CXCL14: variants seen among roughly 807,000 people sequenced by gnomAD.
CXCL14 encodes C-X-C motif chemokine ligand 14.
Under a neutral mutation model 16.1 loss-of-function variants are expected in CXCL14, and 9 were observed. That is an observed-to-expected ratio of 0.56 (90% CI 0.34 to 0.97). The LOEUF is 0.97. Ranked by LOEUF, CXCL14 falls within the 50% of genes least tolerant of loss-of-function variation. The pLI is 0.02. For missense variants in CXCL14, 111 were observed against 132.5 expected (o/e 0.84, Z 0.80); for synonymous variants, 55 against 52.8 (o/e 1.04, Z -0.18).
chr5:135,575,779 A>G (rs542917874), intron 2 of CXCL14, among the ~76,000 whole-genome samples: 115 of 152,152 alleles, frequency 7.6e-4, no homozygotes, highest in Non-Finnish European at 1.5e-3. Context: ...GTGCAAGGTG[A>G]GAGGTGAGGA....
chr5:135,571,901 A>AGGAC (rs2126864044), intron 3 of CXCL14, 33 bp from the exon 4 acceptor site: 1 of 1,612,078 alleles, frequency 6.2e-7, no homozygotes, highest in East Asian at 2.2e-5. Flanking sequence ...TAAGTGGCTC[A>AGGAC]GGACATGAGG....
At position 135,571,881 on chromosome 5, in the gene CXCL14, AAC is replaced by A. The variant is rs771950403; in HGVS notation, c.285-15_285-14del. 4.3e-5 allele frequency: 69 copies of A among 1,611,832 alleles called. No individual in the cohort carries two copies. The highest frequency in any genetic ancestry group is 5.5e-5 in the Non-Finnish European group (65 of 1,179,444). ...TTCTTCGTAGACCCTGGGGAGAAAAAACACATGTGTAAGTGGCTCAGGACATG... is the reference window on the plus strand; with the variant it reads ...TTCTTCGTAGACCCTGGGGAGAAAAAACATGTGTAAGTGGCTCAGGACATG... On this transcript the variant is annotated splice_polypyrimidine_tract_variant and intron_variant, in intron 3 of 3. Transcript: ENST00000512158.
chr5:135,571,986 T>G (rs1028181999), intron 3 of CXCL14, 118 bp from the exon 4 acceptor site: 3 of 980,994 alleles, frequency 3.1e-6, no homozygotes. Context: ...GTCCCAGAAC[T>G]GCAGGAACCC....
intron 2 of CXCL14, among the ~76,000 whole-genome samples, chr5:135,577,284 C>T (rs1751117259): frequency 6.6e-6 from 1 of 152,182 alleles, no homozygotes; most frequent in Non-Finnish European, 1.5e-5. Flanking sequence ...GAGCTTGGAG[C>T]TCCTTTCCCA....
In CXCL14 at chr5:135,578,423, C is replaced by G. The variant is rs751757658; in HGVS notation, c.170+11G>C. The G allele has an allele frequency of 3.1e-6, 5 of 1,609,878 alleles. No individual in the cohort carries two copies. Among genetic ancestry groups the G allele is most frequent in the African/African-American group, 1.3e-5 (1 of 74,882 alleles). On this transcript the variant is annotated intron_variant, in intron 2 of 3. Coordinates refer to ENST00000512158, the MANE Select transcript of CXCL14 (RefSeq NM_004887.5). ...GTGCGCACCCCCTCAAGGTGAGGAG[C>G]GAGAACTCACATAACCATCTTCTCC...
chr5:135,578,615 A>T (rs896970399), intron 1 of CXCL14, 76 bp from the exon 2 acceptor site: 1 of 1,594,098 alleles, frequency 6.3e-7, no homozygotes, highest in Admixed American at 1.7e-5. Flanking sequence ...GCCCACCCAG[A>T]CCACCCCCCG....
chr5:135,572,006 G>T, intron 3 of CXCL14, 138 bp from the exon 4 acceptor site: 3 of 788,392 alleles, frequency 3.8e-6, no homozygotes, highest in Non-Finnish European at 6.3e-6. Flanking sequence ...CCCAGGAGAA[G>T]TGGGAGGGAT....
chr5:135,574,698 A>T lies in CXCL14; in HGVS notation c.171-13T>A. 1 of 1,605,382 alleles carries T rather than the reference A, an allele frequency of 6.2e-7. No homozygotes were observed. The highest frequency in any genetic ancestry group is 8.5e-7 in the Non-Finnish European group (1 of 1,172,382). ...CTTGGTGGTGATGCTGAAACGGAGCAGGATGAGGTGGAGGGTTGAGGAGCC... is the reference window on the plus strand; with the variant it reads ...CTTGGTGGTGATGCTGAAACGGAGCTGGATGAGGTGGAGGGTTGAGGAGCC... On this transcript the variant is annotated splice_polypyrimidine_tract_variant and intron_variant, in intron 2 of 3. Coordinates refer to ENST00000512158, the MANE Select transcript of CXCL14 (RefSeq NM_004887.5).
rs1417500637 is a variant in CXCL14 at position 135,574,504 on chromosome 5, G to T, written c.284+68C>A. The T allele has an allele frequency of 5.4e-6, 7 of 1,286,590 alleles. No homozygotes were observed. In the East Asian group the frequency reaches 9.6e-5, roughly 18 times the overall value. 79.7% of individuals were successfully genotyped at this position (1,286,590 alleles called of 1,614,324 possible). On this transcript the variant is annotated intron_variant, in intron 3 of 3. Transcript: ENST00000512158. ...TGGGGCTAGATGACCTGGTGGGGGGGTCCCTTCCCATCCTGAGAGCCACAG... is the reference window on the plus strand; with the variant it reads ...TGGGGCTAGATGACCTGGTGGGGGGTTCCCTTCCCATCCTGAGAGCCACAG...
chr5:135,571,364 C>T lies in CXCL14; in HGVS notation c.*489G>A, dbSNP rs547949744. ...TGTGGAGTCACACTGAGGCTGTGAC[C>T]GGCCATAAGCCCAGGAGAGCCCGTG... is the stretch of plus-strand genomic sequence containing the variant. On this transcript the variant is annotated 3_prime_UTR_variant, in exon 4 of 4. Coordinates refer to ENST00000512158, the MANE Select transcript of CXCL14 (RefSeq NM_004887.5). 26 of 154,744 alleles carry T rather than the reference C, an allele frequency of 1.7e-4. No individual in the cohort carries two copies. Among genetic ancestry groups the T allele is most frequent in the Admixed American group, 1.4e-3 (21 of 15,416 alleles). The allele number at this position is 154,744 out of a possible 1,614,324, so 9.6% of individuals were successfully genotyped here.
chr5:135,575,862 C>A lies in CXCL14; in HGVS notation c.171-1177G>T, dbSNP rs114426779. On this transcript the variant is annotated intron_variant, in intron 2 of 3. Coordinates refer to ENST00000512158, the MANE Select transcript of CXCL14 (RefSeq NM_004887.5). ...GGGGTGCTGGAATGGGCTTGGAGGG[C>A]AAAGGGGGAGACTGGAAGTGAGAGT... Among the ~76,000 whole-genome samples, 483 of 152,108 alleles carry A rather than the reference C, an allele frequency of 3.2e-3. 2 individuals are homozygous for A. The highest frequency in any genetic ancestry group is 0.011 in the African/African-American group (438 of 41,488).
chr5:135,574,263 C>T (rs111344891), intron 3 of CXCL14, among the ~76,000 whole-genome samples: 11 of 152,308 alleles, frequency 7.2e-5, no homozygotes, highest in African/African-American at 1.9e-4. Context: ...TAACAACTTA[C>T]GTAACTGAAA....
rs1446349783 is a variant in CXCL14, at chr5:135,578,727, C to T, written c.52G>A (p.Ala18Thr). 2 of 1,550,106 alleles carry T rather than the reference C, an allele frequency of 1.3e-6. No homozygotes were observed. Among genetic ancestry groups the T allele is most frequent in the Non-Finnish European group, 8.7e-7 (1 of 1,146,916 alleles). ...TCCCCGCACTCACCGTCCACACGCG[C>T]GGTGTACAGCGCCAGCAGCAGCAGG... is the stretch of plus-strand genomic sequence containing the variant. The part of the protein sequence containing the change: ...LLLLLLALYT[A>T]RVDGSKCKCS... Residue 18 changes from alanine to threonine, a missense_variant, in exon 1 of 4, where the codon GCG becomes ACG. Coordinates refer to ENST00000512158, the MANE Select transcript of CXCL14 (RefSeq NM_004887.5).
In CXCL14 at chr5:135,570,790, A is replaced by G. The variant is rs1477031101; in HGVS notation, c.*1063T>C. ...TACATAGCATATAACACAGCAGTAC[A>G]ATGCGGCATATACTGGGGGGCAGTG... On this transcript the variant is annotated 3_prime_UTR_variant, in exon 4 of 4. Transcript: ENST00000512158. 6.6e-6 allele frequency: 1 copy of G among 151,600 alleles called. No homozygotes were observed. The highest frequency in any genetic ancestry group is 1.5e-5 in the Non-Finnish European group (1 of 67,962). 9.4% of individuals were successfully genotyped at this position (151,600 alleles called of 1,614,324 possible). A position where few individuals can be genotyped will look rare whatever the true frequency, so the allele number is the denominator to read the frequency against.
In CXCL14 at chr5:135,578,716, G is replaced by C. The variant is rs1751161554; in HGVS notation, c.63C>G (p.Asp21Glu). 6.4e-7 allele frequency: 1 copy of C among 1,550,876 alleles called. No individual in the cohort carries two copies. The highest frequency in any genetic ancestry group is 8.7e-7 in the Non-Finnish European group (1 of 1,147,172). ...LLLALYTARVDGSKCKCSRKG... is the reference protein window; with the variant it reads ...LLLALYTARVEGSKCKCSRKG... ...ACAAGGGGAGCTCCCCGCACTCACC[G>C]TCCACACGCGCGGTGTACAGCGCCA... is the stretch of plus-strand genomic sequence containing the variant. The change falls in exon 1 of 4, where the codon GAC becomes GAG. Residue 21 changes from aspartate to glutamate, a missense_variant and splice_region_variant. Coordinates refer to ENST00000512158, the MANE Select transcript of CXCL14 (RefSeq NM_004887.5).
chr5:135,576,609 G>A (rs1302411684), intron 2 of CXCL14, among the ~76,000 whole-genome samples: 2 of 152,264 alleles, frequency 1.3e-5, no homozygotes, highest in Admixed American at 6.5e-5. Context: ...CACAGTTCTG[G>A]CGGTGGGGGT....
chr5:135,576,108 G>A (rs1751092737), intron 2 of CXCL14, among the ~76,000 whole-genome samples: 5 of 152,158 alleles, frequency 3.3e-5, no homozygotes. Context: ...CTGGGTTTCT[G>A]GGGTCCCTGC....
chr5:135,578,991 C>T lies in CXCL14; in HGVS notation c.-213G>A, dbSNP rs1751170128. ...TGCGCTTGTCTCCGCGCTCTCTCCACAGCCTCCCTCCGCCCGCCCTGGCCT... is the reference window on the plus strand; with the variant it reads ...TGCGCTTGTCTCCGCGCTCTCTCCATAGCCTCCCTCCGCCCGCCCTGGCCT... On this transcript the variant is annotated 5_prime_UTR_variant, in exon 1 of 4. It adds an upstream start codon to the 5' untranslated region. Transcript: ENST00000512158. The T allele has an allele frequency of 5.6e-6, 3 of 537,730 alleles. No individual in the cohort carries two copies. Among genetic ancestry groups the T allele is most frequent in the Non-Finnish European group, 9.5e-6 (3 of 317,144 alleles). 33.3% of individuals were successfully genotyped at this position (537,730 alleles called of 1,614,324 possible). A position where few individuals can be genotyped will look rare whatever the true frequency, so the allele number is the denominator to read the frequency against.
rs1383581081 is a variant in CXCL14, at chr5:135,571,787, A to C, written c.*66T>G. 4 of 349,820 alleles carry C rather than the reference A, an allele frequency of 1.1e-5. No homozygotes were observed. Among genetic ancestry groups the C allele is most frequent in the Non-Finnish European group, 2.0e-5 (4 of 203,390 alleles). The allele number at this position is 349,820 out of a possible 1,614,324, so 21.7% of individuals were successfully genotyped here. A position where few individuals can be genotyped will look rare whatever the true frequency, so the allele number is the denominator to read the frequency against. On this transcript the variant is annotated 3_prime_UTR_variant, in exon 4 of 4. Coordinates refer to ENST00000512158, the MANE Select transcript of CXCL14 (RefSeq NM_004887.5). ...TTTTTTTTTTTTTTTTTTTTTTTTAATCTGCAAAGTCCTTTGCACAAGTCT... is the reference window on the plus strand; with the variant it reads ...TTTTTTTTTTTTTTTTTTTTTTTTACTCTGCAAAGTCCTTTGCACAAGTCT...
Sources: gnomAD v4.1 joint callset for allele counts (sites outside exome capture counted in the v4.1 genomes callset) on GRCh38, gnomAD v4.1.1 for gene constraint, MANE v1.5 for transcripts, NCBI Gene and HGNC (gene_info 2026-07-23, HGNC 2026-07-21) for gene names.